Variants in NDRG3 observed in about 807,000 individuals in gnomAD.
NDRG3 encodes the protein NDRG family member 3.
NDRG3 carries 23 observed loss-of-function variants against 57.2 expected under a neutral mutation model. That is an observed-to-expected ratio of 0.40 (90% CI 0.29 to 0.57). The LOEUF is 0.57. NDRG3 is among the 20% of genes least tolerant of loss of function. The pLI is 0.42. For synonymous variants in NDRG3, 132 were observed against 162.6 expected, an observed-to-expected ratio of 0.81 and a Z score of 1.43; for missense variants, 384 against 457.3, an observed-to-expected ratio of 0.84 and a Z score of 1.46.
At chr20:36,659,060 C>T (rs571168017) in intron 13 of NDRG3, among the ~76,000 whole-genome samples, 2 of 151,522 alleles carry the variant, frequency 1.3e-5, no homozygotes, top group African/African-American at 2.4e-5. Flanking sequence ...GGAATCCTCT[C>T]GCCTCAGCTT....
At chr20:36,734,637 G>C (rs1485612694) in intron 1 of NDRG3, among the ~76,000 whole-genome samples, 3 of 152,106 alleles carry the variant, frequency 2.0e-5, no homozygotes, top group Non-Finnish European at 2.9e-5. Context: ...CTCAAAGGCA[G>C]TTTCTCAACC....
At position 36,651,920 on chromosome 20, in the gene NDRG3, C is replaced by T. The variant is rs1978313515; in HGVS notation, c.*1600G>A. 1 of 152,206 alleles carries T rather than the reference C, an allele frequency of 6.6e-6. No homozygotes were observed. The highest frequency in any genetic ancestry group is 2.1e-4 in the South Asian group (1 of 4,824). 9.4% of individuals were successfully genotyped at this position (152,206 alleles called of 1,614,324 possible). A position where few individuals can be genotyped will look rare whatever the true frequency, so the allele number is the denominator to read the frequency against. On this transcript the variant is annotated 3_prime_UTR_variant, in exon 16 of 16. Transcript: ENST00000349004. Reference sequence around the variant, plus strand: ...GAACTGTGTAACCCTGAGCTTACATCTCAATGCTCCCAAGAGCTGGGCTCT... The same window carrying T: ...GAACTGTGTAACCCTGAGCTTACATTTCAATGCTCCCAAGAGCTGGGCTCT...
chr20:36,688,330 C>T (rs1981960789), intron 4 of NDRG3, among the ~76,000 whole-genome samples: 1 of 151,280 alleles, frequency 6.6e-6, no homozygotes, highest in African/African-American at 2.4e-5. Flanking sequence ...GAGCTCACAA[C>T]AAAGTTAAGT....
chr20:36,670,584 CTA>C (rs1027136771), intron 9 of NDRG3, among the ~76,000 whole-genome samples: 3 of 152,152 alleles, frequency 2.0e-5, no homozygotes, highest in Non-Finnish European at 4.4e-5. Flanking sequence ...TAAAATCAGA[CTA>C]ATAGAACCAT....
At chr20:36,735,968 C>G (rs59812901) in intron 1 of NDRG3, among the ~76,000 whole-genome samples, 1 of 122,580 alleles carries the variant, frequency 8.2e-6, no homozygotes, top group African/African-American at 3.2e-5. Flanking sequence ...GAGGCCCTGT[C>G]TCAAAAAAAA....
intron 5 of NDRG3, among the ~76,000 whole-genome samples, 161 bp from the exon 6 acceptor site, chr20:36,684,636 G>A (rs771908779): frequency 2.0e-5 from 3 of 152,144 alleles, no homozygotes; most frequent in Non-Finnish European, 4.4e-5. Flanking sequence ...GATCACCTGA[G>A]GTTGGGAGTT....
rs746873166 is a variant in NDRG3 at position 36,682,480 on chromosome 20, G to A, written c.444+38C>T. The A allele has an allele frequency of 2.5e-5, 39 of 1,566,280 alleles. 1 individual carries two copies. In the South Asian group the frequency reaches 4.4e-4, roughly 17 times the overall value. On this transcript the variant is annotated intron_variant, in intron 7 of 15. Coordinates refer to ENST00000349004, the MANE Select transcript of NDRG3 (RefSeq NM_032013.4). The stretch of plus-strand genomic sequence containing the variant: ...CAGTAATAGCTGTGACCCAGGCACT[G>A]CCTCAAGGATGTTGAGGCTAATCCT...
At chr20:36,722,514 A>T (rs1984653850) in intron 1 of NDRG3, among the ~76,000 whole-genome samples, 3 of 152,360 alleles carry the variant, frequency 2.0e-5, no homozygotes, top group Admixed American at 1.3e-4. Context: ...TAGTTACTGA[A>T]GACGGATAAA....
intron 9 of NDRG3, among the ~76,000 whole-genome samples, chr20:36,670,590 G>A (rs1980060836): frequency 6.6e-6 from 1 of 152,202 alleles, no homozygotes; most frequent in East Asian, 1.9e-4. Flanking sequence ...CAGACTAATA[G>A]AACCATGTAA....
intron 1 of NDRG3, 70 bp from the exon 2 acceptor site, chr20:36,721,853 C>T (rs903183166): frequency 1.6e-5 from 11 of 680,858 alleles, no homozygotes; most frequent in African/African-American, 3.6e-5. Context: ...AGTCACAGTA[C>T]ACCCATTCAT....
At chr20:36,733,722 AAC>A (rs898427329) in intron 1 of NDRG3, among the ~76,000 whole-genome samples, 1 of 151,904 alleles carries the variant, frequency 6.6e-6, no homozygotes, top group African/African-American at 2.4e-5. Flanking sequence ...AAAAATAAAA[AAC>A]ACACAGAATG....
chr20:36,745,557 G>C (rs901580156), intron 1 of NDRG3, among the ~76,000 whole-genome samples: 1 of 152,212 alleles, frequency 6.6e-6, no homozygotes, highest in Non-Finnish European at 1.5e-5. Flanking sequence ...CTCCCCGGTA[G>C]GGTAGTCGTA....
chr20:36,672,991 G>A (rs1980315950), intron 8 of NDRG3, among the ~76,000 whole-genome samples: 1 of 152,028 alleles, frequency 6.6e-6, no homozygotes, highest in Non-Finnish European at 1.5e-5. Flanking sequence ...AGCCACCCAA[G>A]TAGCTGGGAC....
At chr20:36,712,307 A>C (rs1391728639) in intron 2 of NDRG3, among the ~76,000 whole-genome samples, 1 of 151,426 alleles carries the variant, frequency 6.6e-6, no homozygotes, top group African/African-American at 2.4e-5. Context: ...TACTCATTAA[A>C]AGTTCAGTAC....
chr20:36,676,000 G>A (rs1980661295), intron 8 of NDRG3, among the ~76,000 whole-genome samples: 1 of 152,116 alleles, frequency 6.6e-6, no homozygotes, highest in African/African-American at 2.4e-5. Flanking sequence ...CAGCACTTTG[G>A]GAGGCTGAGG....
intron 1 of NDRG3, among the ~76,000 whole-genome samples, chr20:36,741,483 T>C (rs1171424492): frequency 1.3e-5 from 2 of 152,248 alleles, no homozygotes; most frequent in African/African-American, 4.8e-5. Context: ...AAAAGATTCT[T>C]ATTTTTCTTT....
chr20:36,733,597 GC>G (rs1985456155), intron 1 of NDRG3, among the ~76,000 whole-genome samples: 1 of 151,910 alleles, frequency 6.6e-6, no homozygotes. Context: ...GGTTGCAGGT[GC>G]CTGTAGTCCA....
At position 36,680,840 on chromosome 20, in the gene NDRG3, G is replaced by C; in HGVS notation, c.507C>G (p.Gly169=). 6.2e-7 allele frequency: 1 copy of C among 1,614,076 alleles called. No individual in the cohort carries two copies. The highest frequency in any genetic ancestry group is 8.5e-7 in the Non-Finnish European group (1 of 1,179,970). The change falls in exon 8 of 16, where the codon GGC becomes GGG. Residue 169 remains glycine (G), a synonymous_variant. Coordinates refer to ENST00000349004, the MANE Select transcript of NDRG3 (RefSeq NM_032013.4). ...CTTTGGAAGCTGCCCAGTCAATCCA[G>C]CCTTTAGCGCAAGGGTCAACATTAA... The part of the protein sequence containing the change: ...VLINVDPCAK[G]WIDWAASKLS...
At chr20:36,677,057 G>A (rs983323426) in intron 8 of NDRG3, among the ~76,000 whole-genome samples, 11 of 152,338 alleles carry the variant, frequency 7.2e-5, no homozygotes, top group East Asian at 1.9e-4. Flanking sequence ...AGCTGCAGCC[G>A]CTGCGCCTGT....
Sources: allele counts gnomAD v4.1 joint callset (sites outside exome capture counted in the v4.1 genomes callset), GRCh38; gene constraint gnomAD v4.1.1; transcripts MANE v1.5; gene names NCBI Gene and HGNC (gene_info 2026-07-23, HGNC 2026-07-21).